The following YES1 variants were observed in gnomAD, a reference collection of about 807,000 sequenced individuals.
YES1 encodes the protein tyrosine-protein kinase Yes.
A neutral mutation model predicts 70.4 loss-of-function variants in YES1; 39 were observed. The ratio of observed to expected loss-of-function variants is 0.55; its 90% CI spans 0.43 to 0.72. YES1 has a LOEUF of 0.72. Ranked by LOEUF, YES1 falls within the 30% of genes least tolerant of loss-of-function variation. YES1 has a pLI of 0.00. For synonymous variants in YES1, 198 were observed against 218.6 expected (o/e 0.91, Z 0.83); for missense variants, 495 against 644.8 (o/e 0.77, Z 2.52).
In YES1 at chr18:733,782, C is replaced by CAAAAAA. The variant is rs71174280; in HGVS notation, c.1292-823_1292-818dup. Among the ~76,000 whole-genome samples, 18 of 59,246 alleles carry CAAAAAA rather than the reference C, an allele frequency of 3.0e-4. 1 individual carries two copies. Among genetic ancestry groups the CAAAAAA allele is most frequent in the African/African-American group, 7.9e-4 (13 of 16,450 alleles). 38.9% of individuals were successfully genotyped at this position (59,246 alleles called of 152,430 possible). Reference sequence around the variant, plus strand: ...TGGGCAACAGAGTGAGACTCCGTCTCAAAAAAAAAAAAAAAAAAAAAAAAA... The same window carrying CAAAAAA: ...TGGGCAACAGAGTGAGACTCCGTCTCAAAAAAAAAAAAAAAAAAAAAAAAAAAAAAA... On this transcript the variant is annotated intron_variant, in intron 10 of 11. Transcript: ENST00000314574.
At chr18:787,599 A>T (rs2145809966) in intron 1 of YES1, among the ~76,000 whole-genome samples, 1 of 151,774 alleles carries the variant, frequency 6.6e-6, no homozygotes, top group African/African-American at 2.4e-5. Flanking sequence ...AATTCCAGCT[A>T]CTCCGGAGGC....
intron 1 of YES1, among the ~76,000 whole-genome samples, chr18:763,259 C>T (rs916270941): frequency 6.6e-6 from 1 of 151,954 alleles, no homozygotes; most frequent in Non-Finnish European, 1.5e-5. Flanking sequence ...ATTAGGAATC[C>T]AGAATTTTTG....
rs184280288 is a variant in YES1, at chr18:785,891, T to C, written c.-9+26223A>G. Among the ~76,000 whole-genome samples the C allele has an allele frequency of 9.2e-5, 14 of 152,174 alleles. No homozygotes were observed. The East Asian group carries it at 2.7e-3, about 29-fold the overall frequency. ...AGTTCAAGGCTGCAGTGAGCCAGGA[T>C]TGTGCCACTGCACTCCAGCCTGGGC... On this transcript the variant is annotated intron_variant, in intron 1 of 11. Coordinates refer to ENST00000314574, the MANE Select transcript of YES1 (RefSeq NM_005433.4).
chr18:729,402 G>T (rs992460448), intron 11 of YES1, among the ~76,000 whole-genome samples: 1 of 151,672 alleles, frequency 6.6e-6, no homozygotes, highest in Admixed American at 6.6e-5. Flanking sequence ...GAGACAGAGC[G>T]AGACTCTGTC....
At chr18:764,857 C>T (rs1053862925) in intron 1 of YES1, among the ~76,000 whole-genome samples, 4 of 151,808 alleles carry the variant, frequency 2.6e-5, no homozygotes, top group African/African-American at 7.3e-5. Flanking sequence ...CTCAGCCTCC[C>T]GAGTAGCTGG....
chr18:749,136 G>C (rs11081327), intron 3 of YES1, among the ~76,000 whole-genome samples: 13,412 of 152,000 alleles, frequency 0.088, 749 homozygotes, highest in East Asian at 0.27. Flanking sequence ...ACTCCAGCCT[G>C]GGCTACAGAG....
At chr18:809,750 C>A (rs1362412668) in intron 1 of YES1, among the ~76,000 whole-genome samples, 1 of 151,658 alleles carries the variant, frequency 6.6e-6, no homozygotes, top group East Asian at 1.9e-4. Context: ...ATAGACATTA[C>A]ACACTGGATT....
intron 1 of YES1, among the ~76,000 whole-genome samples, chr18:771,245 T>C (rs1273355329): frequency 1.3e-5 from 2 of 151,934 alleles, no homozygotes; most frequent in Non-Finnish European, 2.9e-5. Flanking sequence ...TGCATGCCTG[T>C]AATCCCAGCT....
chr18:731,767 AC>A (rs908236330), intron 11 of YES1, among the ~76,000 whole-genome samples: 1 of 152,014 alleles, frequency 6.6e-6, no homozygotes, highest in Non-Finnish European at 1.5e-5. Context: ...GGAGATCGAG[AC>A]CATCCTGGTT....
chr18:765,962 A>G (rs1904888784), intron 1 of YES1, among the ~76,000 whole-genome samples: 1 of 152,216 alleles, frequency 6.6e-6, no homozygotes, highest in Non-Finnish European at 1.5e-5. Flanking sequence ...TATCTTCATA[A>G]GTTGGGAACA....
rs1165333694 is a variant in YES1, at chr18:731,966, C to CAAAAA, written c.1423+863_1423+867dup. Reference sequence around the variant, plus strand: ...TGGGCGACAGAGCGAGACTCCATTTCAAAAAAAAAAAAAAAAAAAAAGTCT... The same window carrying CAAAAA: ...TGGGCGACAGAGCGAGACTCCATTTCAAAAAAAAAAAAAAAAAAAAAAAAAAGTCT... On this transcript the variant is annotated intron_variant, in intron 11 of 11. Coordinates refer to ENST00000314574, the MANE Select transcript of YES1 (RefSeq NM_005433.4). 5.6e-4 allele frequency among the ~76,000 whole-genome samples: 45 copies of CAAAAA among 79,956 alleles called. 1 individual carries two copies. The highest frequency in any genetic ancestry group is 2.0e-3 in the African/African-American group (41 of 20,078). 52.5% of individuals were successfully genotyped at this position (79,956 alleles called of 152,430 possible).
At chr18:752,124 T>C (rs999709249) in intron 2 of YES1, among the ~76,000 whole-genome samples, 2 of 152,350 alleles carry the variant, frequency 1.3e-5, no homozygotes, top group African/African-American at 4.8e-5. Flanking sequence ...TTGTTTCTTT[T>C]TGAGACAAAG....
chr18:787,113 T>C lies in YES1; in HGVS notation c.-9+25001A>G, dbSNP rs1486055840. Among the ~76,000 whole-genome samples, 4 of 101,372 alleles carry C rather than the reference T, an allele frequency of 3.9e-5. No individual in the cohort carries two copies. In the Admixed American group the frequency reaches 4.3e-4, roughly 11 times the overall value. The allele number at this position is 101,372 out of a possible 152,430, so 66.5% of individuals were successfully genotyped here. On this transcript the variant is annotated intron_variant, in intron 1 of 11. Coordinates refer to ENST00000314574, the MANE Select transcript of YES1 (RefSeq NM_005433.4). ...TTTTTTTTTTTTTTTTTTTTTTTTTTTGAGACAGAGTCTCGCTCTGTGGCC... is the reference window on the plus strand; with the variant it reads ...TTTTTTTTTTTTTTTTTTTTTTTTTCTGAGACAGAGTCTCGCTCTGTGGCC...
chr18:722,996 G>C lies in YES1; in HGVS notation c.*1428C>G, dbSNP rs1314555141. On this transcript the variant is annotated 3_prime_UTR_variant, in exon 12 of 12. Transcript: ENST00000314574. ...AGTCCCAGCTACTCGGGAGGCTGAG[G>C]CAGGAGAATGGTGTGAACCTGGGAG... 3 of 152,214 alleles carry C rather than the reference G, an allele frequency of 2.0e-5. No individual in the cohort carries two copies. Among genetic ancestry groups the C allele is most frequent in the Admixed American group, 6.5e-5 (1 of 15,284 alleles). 9.4% of individuals were successfully genotyped at this position (152,214 alleles called of 1,614,324 possible).
intron 2 of YES1, among the ~76,000 whole-genome samples, chr18:753,881 C>G (rs988153929): frequency 6.6e-6 from 1 of 152,186 alleles, no homozygotes; most frequent in Non-Finnish European, 1.5e-5. Context: ...ATACCCAAGT[C>G]TTTCCTATCT....
intron 1 of YES1, among the ~76,000 whole-genome samples, chr18:780,154 G>C (rs904228809): frequency 6.6e-6 from 1 of 152,078 alleles, no homozygotes; most frequent in South Asian, 2.1e-4. Flanking sequence ...GAACCAGGGA[G>C]GTGGGGGTCA....
At chr18:743,126 A>G (rs896250821) in intron 7 of YES1, 29 bp from the exon 8 acceptor site, 9 of 1,555,076 alleles carry the variant, frequency 5.8e-6, no homozygotes, top group South Asian at 1.2e-5. Context: ...TTAGGAATTT[A>G]TATTTTAAAG....
intron 11 of YES1, among the ~76,000 whole-genome samples, chr18:731,491 T>C (rs915099237): frequency 6.6e-6 from 1 of 152,154 alleles, no homozygotes; most frequent in African/African-American, 2.4e-5. Flanking sequence ...ATATGTTAGA[T>C]AACATGCAAA....
chr18:755,318 G>A (rs1254720697), intron 2 of YES1, among the ~76,000 whole-genome samples: 1 of 150,650 alleles, frequency 6.6e-6, no homozygotes, highest in African/African-American at 2.4e-5. Flanking sequence ...GCGCAATCTT[G>A]GCTCACTGCA....
Sources: gnomAD v4.1 joint callset for allele counts (sites outside exome capture counted in the v4.1 genomes callset) on GRCh38, gnomAD v4.1.1 for gene constraint, MANE v1.5 for transcripts, NCBI Gene and HGNC (gene_info 2026-07-23, HGNC 2026-07-21) for gene names.